Variants in LAMA3 observed in about 807,000 individuals in gnomAD.
LAMA3 encodes laminin subunit alpha-3.
A neutral mutation model predicts 402.0 loss-of-function variants in LAMA3; 281 were observed. The ratio of observed to expected loss-of-function variants is 0.70; its 90% CI spans 0.63 to 0.77. LAMA3 has a LOEUF of 0.77. Ranked by LOEUF, LAMA3 falls within the 30% of genes least tolerant of loss-of-function variation. LAMA3 has a pLI of 0.00. For missense variants in LAMA3, 3,840 were observed against 4,215.5 expected (o/e 0.91, Z 2.47); for synonymous variants, 1,431 against 1,558.4 (o/e 0.92, Z 1.93).
At chr18:23,842,590 G>GTCTC in intron 28 of LAMA3, 21 bp from the exon 29 acceptor site, 7 of 1,599,578 alleles carry the variant, frequency 4.4e-6, no homozygotes, top group Non-Finnish European at 6.0e-6. Context: ...ATGACAGAAA[G>GTCTC]TCTCTCTCTC....
intron 29 of LAMA3, among the ~76,000 whole-genome samples, chr18:23,843,332 A>C (rs80079806): frequency 6.6e-6 from 1 of 152,116 alleles, no homozygotes; most frequent in Admixed American, 6.5e-5. Flanking sequence ...TCCCTTGCTT[A>C]GTCTGCACCC....
In LAMA3 at chr18:23,898,747, C is replaced by G; in HGVS notation, c.5623C>G (p.Leu1875Val). The G allele has an allele frequency of 6.3e-7, 1 of 1,588,488 alleles. No homozygotes were observed. The highest frequency in any genetic ancestry group is 8.6e-7 in the Non-Finnish European group (1 of 1,156,654). The change falls in exon 45 of 75, where the codon CTC becomes GTC. Residue 1875 changes from leucine to valine, a missense_variant. This residue lies in a region of LAMA3 where 891 missense variants were observed against 857.5 expected (regional missense o/e 1.04). Coordinates refer to ENST00000313654, the MANE Select transcript of LAMA3 (RefSeq NM_198129.4). The stretch of plus-strand genomic sequence containing the variant: ...TGTGTTTTGTTTCCAGAATCAGTTG[C>G]TCAACTACCGTTCTGCCATTTCAAA... ...TQAKDLRNQL[L>V]NYRSAISNHG... is the part of the protein sequence containing the mutation.
chr18:23,846,971 C>T (rs138559134), intron 31 of LAMA3, among the ~76,000 whole-genome samples: 40 of 152,338 alleles, frequency 2.6e-4, no homozygotes, highest in Admixed American at 7.8e-4. Context: ...TCAGAACCAT[C>T]TTGTGGTCCG....
intron 13 of LAMA3, among the ~76,000 whole-genome samples, chr18:23,811,435 T>C (rs1254946615): frequency 6.6e-6 from 1 of 152,128 alleles, no homozygotes; most frequent in Non-Finnish European, 1.5e-5. Flanking sequence ...CAGGTTTCCT[T>C]GAGGGTGGAA....
At chr18:23,726,883 G>A (rs564677272) in intron 2 of LAMA3, among the ~76,000 whole-genome samples, 1 of 152,302 alleles carries the variant, frequency 6.6e-6, no homozygotes, top group South Asian at 2.1e-4. Flanking sequence ...CTCTGAAAGT[G>A]CTAGGATTGT....
rs567275734 is a variant in LAMA3 at position 23,763,526 on chromosome 18, G to A, written c.1182+3G>A. The A allele has an allele frequency of 1.8e-5, 27 of 1,536,950 alleles. No individual in the cohort carries two copies. In the African/African-American group the frequency reaches 2.2e-4, roughly 12 times the overall value. On this transcript the variant is annotated splice_donor_region_variant and intron_variant, in intron 8 of 74. Transcript: ENST00000313654. ...GAGGGGTCTGCATTAACTGTCAGGTGAGGCACTATTTAAATCAAAGTGGAT... is the reference window on the plus strand; with the variant it reads ...GAGGGGTCTGCATTAACTGTCAGGTAAGGCACTATTTAAATCAAAGTGGAT...
intron 2 of LAMA3, among the ~76,000 whole-genome samples, chr18:23,741,759 T>C (rs1186224523): frequency 1.3e-5 from 2 of 152,186 alleles, no homozygotes; most frequent in East Asian, 3.9e-4. Flanking sequence ...AAGCAAGTGA[T>C]GAAACTTAGC....
intron 41 of LAMA3, among the ~76,000 whole-genome samples, chr18:23,889,705 GAAGGGAGGAAGGAAGGAAGA>G: frequency 2.3e-5 from 1 of 43,996 alleles, no homozygotes; most frequent in South Asian, 8.1e-4. Flanking sequence ...AGGGAGGGAG[GAAGGGAGGAAGGAAGGAAGA>G]AAGGAAGGAA....
intron 74 of LAMA3, among the ~76,000 whole-genome samples, 162 bp downstream of exon 74, chr18:23,953,271 G>T (rs1473791367): frequency 1.3e-5 from 2 of 151,992 alleles, no homozygotes; most frequent in Non-Finnish European, 2.9e-5. Context: ...GCACTTGTCA[G>T]GTCAGCCCAG....
Position 23,842,779 on chromosome 18 carries a change from C to T in LAMA3, c.3603+29C>T, listed in dbSNP as rs555578079. 356 of 1,613,816 alleles carry T rather than the reference C, an allele frequency of 2.2e-4. 3 individuals are homozygous for T. In the South Asian group the frequency reaches 3.5e-3, roughly 16 times the overall value. On this transcript the variant is annotated intron_variant, in intron 29 of 74. Coordinates refer to ENST00000313654, the MANE Select transcript of LAMA3 (RefSeq NM_198129.4). ...CGTTCCACTCGTTCCTCAACTTGCT[C>T]CTCACATGCCTGCCTGGCTGGCCAT...
intron 38 of LAMA3, 25 bp from the exon 39 acceptor site, chr18:23,876,269 A>G (rs763709484): frequency 6.8e-7 from 1 of 1,465,684 alleles, no homozygotes; most frequent in South Asian, 1.1e-5. Context: ...CTTTGTATTG[A>G]TTAAACACTT....
At chr18:23,932,480 C>T (rs576317490) in intron 66 of LAMA3, 189 bp downstream of exon 66, 91 of 579,204 alleles carry the variant, frequency 1.6e-4, no homozygotes, top group African/African-American at 5.4e-4. Context: ...CTCCTGGGCC[C>T]GGCCTCCTTT....
At chr18:23,952,912 G>A in intron 73 of LAMA3, 78 bp from the exon 74 acceptor site, 1 of 1,600,812 alleles carries the variant, frequency 6.2e-7, no homozygotes, top group Non-Finnish European at 8.6e-7. Flanking sequence ...GTATGAAGGA[G>A]TTAAAACAAA....
chr18:23,770,049 A>G (rs2062161513), intron 8 of LAMA3, among the ~76,000 whole-genome samples: 1 of 152,224 alleles, frequency 6.6e-6, no homozygotes, highest in Non-Finnish European at 1.5e-5. Flanking sequence ...GGGAGACAGT[A>G]ATCATAAGTG....
chr18:23,847,367 C>A, intron 31 of LAMA3, 97 bp from the exon 32 acceptor site: 1 of 1,296,516 alleles, frequency 7.7e-7, no homozygotes, highest in Non-Finnish European at 1.1e-6. Context: ...CTCTCTGACC[C>A]TTTGGAGGCT....
At chr18:23,725,006 C>CCT (rs936041219) in intron 2 of LAMA3, among the ~76,000 whole-genome samples, 2 of 152,124 alleles carry the variant, frequency 1.3e-5, no homozygotes, top group African/African-American at 4.8e-5. Context: ...CTGTGATTCC[C>CCT]CTCTCTCTCT....
chr18:23,715,055 G>A (rs1170914787), intron 2 of LAMA3, among the ~76,000 whole-genome samples: 1 of 152,116 alleles, frequency 6.6e-6, no homozygotes, highest in Non-Finnish European at 1.5e-5. Context: ...GTCCTGATAG[G>A]CAAATCTATA....
intron 35 of LAMA3, among the ~76,000 whole-genome samples, chr18:23,864,390 C>T (rs2064300929): frequency 6.6e-6 from 1 of 152,012 alleles, no homozygotes; most frequent in African/African-American, 2.4e-5. Context: ...CCACACCTGA[C>T]TAATTTTTAA....
chr18:23,709,050 T>A (rs2060941344), intron 1 of LAMA3, among the ~76,000 whole-genome samples: 1 of 150,988 alleles, frequency 6.6e-6, no homozygotes, highest in Non-Finnish European at 1.5e-5. Context: ...CCACTGTGCC[T>A]GGCTTCATTT....
Sources: allele counts gnomAD v4.1 joint callset (sites outside exome capture counted in the v4.1 genomes callset), GRCh38; gene constraint gnomAD v4.1.1; regional missense constraint gnomAD v4.1.1; transcripts MANE v1.5; gene names NCBI Gene and HGNC (gene_info 2026-07-23, HGNC 2026-07-21).